SLC45A2: variants seen among roughly 807,000 people sequenced by gnomAD.
SLC45A2 encodes the protein solute carrier family 45 member 2.
SLC45A2 carries 36 observed loss-of-function variants against 45.5 expected under a neutral mutation model. That is an observed-to-expected ratio of 0.79 (90% confidence interval 0.61 to 1.04). The LOEUF (loss-of-function observed/expected upper bound fraction) is 1.04, where lower values mean the gene tolerates loss of function less well. Ranked by LOEUF, SLC45A2 falls within the 50% of genes least tolerant of loss-of-function variation. The probability of loss-of-function intolerance (pLI) is 0.00; values close to 1 mark genes in which losing one functional copy is unlikely to be tolerated. For synonymous variants in SLC45A2, 306 were observed against 269.3 expected (o/e 1.14, Z -1.33); for missense variants, 719 against 671.0 (o/e 1.07, Z -0.79).
chr5:33,974,452 CAAA>C (rs3836799), intron 2 of SLC45A2, among the ~76,000 whole-genome samples: 10 of 132,344 alleles, frequency 7.6e-5, no homozygotes, highest in African/African-American at 2.4e-4. Flanking sequence ...AGCAGTGAAA[CAAA>C]AAAAAAAAAA....
rs746295652 is a variant in SLC45A2, at chr5:33,982,384, C to A, written c.414G>T (p.Leu138=). The change falls in exon 2 of 7, where the codon CTG becomes CTT. Residue 138 remains leucine, a synonymous_variant. Coordinates refer to ENST00000296589, the MANE Select transcript of SLC45A2 (RefSeq NM_016180.5). ...AALIANPRRK[L]VWAISVTMIG... ...TCATGGTGACACTTATGGCCCAAAC[C>A]AGCTTCCTCCTTGGGTTAGCAATCA... 15 of 1,614,044 alleles carry A rather than the reference C, an allele frequency of 9.3e-6. No homozygotes were observed. Among genetic ancestry groups the A allele is most frequent in the African/African-American group, 1.3e-5 (1 of 74,924 alleles).
intron 3 of SLC45A2, among the ~76,000 whole-genome samples, chr5:33,957,198 C>A (rs924939285): frequency 6.6e-6 from 1 of 152,122 alleles, no homozygotes; most frequent in African/African-American, 2.4e-5. Flanking sequence ...TGATTAGCTT[C>A]CCTGAAGACA....
intron 3 of SLC45A2, 34 bp from the exon 4 acceptor site, chr5:33,954,538 C>T: frequency 6.2e-7 from 1 of 1,612,368 alleles, no homozygotes; most frequent in Non-Finnish European, 8.5e-7. Context: ...GTGTGATCTT[C>T]ACTGCAGAAA....
Position 33,970,931 on chromosome 5 carries a change from C to T in SLC45A2, c.563-6915G>A. The stretch of plus-strand genomic sequence containing the variant: ...AGCTGCCAGAGTGCATGGAGATGGG[C>T]ACCATCTTAAGGAGCTAAGGGAACA... On this transcript the variant is annotated intron_variant, in intron 2 of 6. Coordinates refer to ENST00000296589, the MANE Select transcript of SLC45A2 (RefSeq NM_016180.5). The T allele has an allele frequency of 1.4e-5, 6 of 414,814 alleles. 1 individual carries two copies. Among genetic ancestry groups the T allele is most frequent in the South Asian group, 9.6e-5 (5 of 52,286 alleles). The allele number at this position is 414,814 out of a possible 1,614,324, so 25.7% of individuals were successfully genotyped here.
chr5:33,968,267 AT>A (rs1484894034), intron 2 of SLC45A2, among the ~76,000 whole-genome samples: 8 of 151,902 alleles, frequency 5.3e-5, no homozygotes, highest in Admixed American at 5.2e-4. Flanking sequence ...ACAAAACCTA[AT>A]TGCGCTATGA....
Position 33,982,426 on chromosome 5 carries a change from A to T in SLC45A2, c.386-14T>A. 6.2e-7 allele frequency: 1 copy of T among 1,613,212 alleles called. No individual in the cohort carries two copies. Among genetic ancestry groups the T allele is most frequent in the Non-Finnish European group, 8.5e-7 (1 of 1,179,388 alleles). ...TAGCAATCAAAGCTAAAAGAAAAAT[A>T]AACATTGGTCTCCTAAATCCTGTTT... On this transcript the variant is annotated splice_polypyrimidine_tract_variant and intron_variant, in intron 1 of 6. Coordinates refer to ENST00000296589, the MANE Select transcript of SLC45A2 (RefSeq NM_016180.5).
At chr5:33,953,396 G>A (rs1752177047) in intron 4 of SLC45A2, among the ~76,000 whole-genome samples, 1 of 148,820 alleles carries the variant, frequency 6.7e-6, no homozygotes, top group Admixed American at 6.7e-5. Context: ...TCTAACTGGT[G>A]TGAGATGATA....
In SLC45A2 at chr5:33,947,162, C is replaced by A. The variant is rs1294369944; in HGVS notation, c.1368+1G>T. 2 of 1,614,242 alleles carry A rather than the reference C, an allele frequency of 1.2e-6. No individual in the cohort carries two copies. The highest frequency in any genetic ancestry group is 1.7e-6 in the Non-Finnish European group (2 of 1,180,038). ...AAGGCAGAGGTTCAATGACAGCACA[C>A]CTCCTTTTCTTCCTCGCGGTGGTAC... On this transcript the variant is annotated splice_donor_variant, in intron 6 of 6. Coordinates refer to ENST00000296589, the MANE Select transcript of SLC45A2 (RefSeq NM_016180.5). LOFTEE classifies it high-confidence loss of function.
chr5:33,964,104 C>T (rs112375095), intron 2 of SLC45A2, 88 bp from the exon 3 acceptor site: 45 of 1,402,268 alleles, frequency 3.2e-5, no homozygotes, highest in Admixed American at 1.6e-4. Flanking sequence ...AGTGGGAAAA[C>T]TCCCTGAAGA....
At chr5:33,963,462 C>T (rs555722648) in intron 3 of SLC45A2, among the ~76,000 whole-genome samples, 1 of 17,972 alleles carries the variant, frequency 5.6e-5, no homozygotes, top group South Asian at 3.4e-4. Flanking sequence ...TGGTTGGATG[C>T]TACCTGAGAG....
rs115579256 is a variant in SLC45A2, at chr5:33,945,187, T to A, written c.1369-315A>T. ...TTTGATTTCATGTAATTTTCACCTG[T>A]CACAAGATATTAACCTTCTTTTGAA... On this transcript the variant is annotated intron_variant, in intron 6 of 6. Transcript: ENST00000296589. Among the ~76,000 whole-genome samples, 1,066 of 152,374 alleles carry A rather than the reference T, an allele frequency of 7.0e-3. 16 individuals carry two copies. The highest frequency in any genetic ancestry group is 0.024 in the African/African-American group (1,012 of 41,588).
At chr5:33,981,859 C>T (rs1327870637) in intron 2 of SLC45A2, among the ~76,000 whole-genome samples, 3 of 152,200 alleles carry the variant, frequency 2.0e-5, no homozygotes, top group Non-Finnish European at 4.4e-5. Flanking sequence ...ATCAGAATAA[C>T]TGGAGAAGGA....
chr5:33,976,193 G>A lies in SLC45A2; in HGVS notation c.562+6043C>T, dbSNP rs998299015. Among the ~76,000 whole-genome samples the A allele has an allele frequency of 4.6e-5, 7 of 152,272 alleles. No homozygotes were observed. In the South Asian group the frequency reaches 8.3e-4, roughly 18 times the overall value. On this transcript the variant is annotated intron_variant, in intron 2 of 6. Coordinates refer to ENST00000296589, the MANE Select transcript of SLC45A2 (RefSeq NM_016180.5). ...TAAGCATATACCAAGTGCTGATAGG[G>A]AAGGGGCCGAGAACACGGGGAAGGG... is the stretch of plus-strand genomic sequence containing the variant.
chr5:33,966,427 C>CT (rs367752652), intron 2 of SLC45A2, among the ~76,000 whole-genome samples: 2,541 of 95,034 alleles, frequency 0.027, 20 homozygotes, highest in Middle Eastern at 0.062. Context: ...AAGCTACTTT[C>CT]TTTTTTTTTT....
intron 3 of SLC45A2, among the ~76,000 whole-genome samples, chr5:33,961,376 A>G (rs1752450692): frequency 6.6e-6 from 1 of 152,094 alleles, no homozygotes; most frequent in South Asian, 2.1e-4. Context: ...TGTGTCTCCA[A>G]TTTGCTTTCC....
At chr5:33,981,532 A>C (rs1334244135) in intron 2 of SLC45A2, among the ~76,000 whole-genome samples, 1 of 152,176 alleles carries the variant, frequency 6.6e-6, no homozygotes, top group Non-Finnish European at 1.5e-5. Context: ...CTTATATTTC[A>C]ATGCCTAGTT....
chr5:33,967,106 C>A (rs1275668601), intron 2 of SLC45A2, among the ~76,000 whole-genome samples: 1 of 152,142 alleles, frequency 6.6e-6, no homozygotes, highest in East Asian at 1.9e-4. Flanking sequence ...AATTCCAAAG[C>A]CTCCCCTAGA....
In SLC45A2 at chr5:33,945,460, T is replaced by A. The variant is rs80253349; in HGVS notation, c.1369-588A>T. ...GGTTGCTACTTGATTAATATAATAA[T>A]GTTTGGTTAATACTTGATATTTCTT... On this transcript the variant is annotated intron_variant, in intron 6 of 6. Transcript: ENST00000296589. Among the ~76,000 whole-genome samples, 377 of 152,338 alleles carry A rather than the reference T, an allele frequency of 2.5e-3. 2 individuals are homozygous for A. The highest frequency in any genetic ancestry group is 8.8e-3 in the African/African-American group (366 of 41,582).
At chr5:33,976,596 G>T (rs1003160734) in intron 2 of SLC45A2, among the ~76,000 whole-genome samples, 8 of 152,132 alleles carry the variant, frequency 5.3e-5, no homozygotes, top group Non-Finnish European at 7.4e-5. Flanking sequence ...GGAGGGGTGA[G>T]GGGGGTGGGG....
Sources: allele counts gnomAD v4.1 joint callset (sites outside exome capture counted in the v4.1 genomes callset), GRCh38; gene constraint gnomAD v4.1.1; transcripts MANE v1.5; gene names NCBI Gene and HGNC (gene_info 2026-07-23, HGNC 2026-07-21).